Variants in ECM2 observed in about 807,000 individuals in gnomAD.
ECM2 encodes the protein extracellular matrix protein 2.
ECM2 carries 57 observed loss-of-function variants against 67.5 expected under a neutral mutation model. The ratio of observed to expected loss-of-function variants is 0.84; its 90% CI spans 0.68 to 1.05. ECM2 has a LOEUF of 1.05. Among genes scored for constraint, ECM2 ranks in the 50% least tolerant of loss-of-function variants. ECM2 has a pLI of 0.00. For synonymous variants in ECM2, 258 were observed against 294.5 expected (o/e 0.88, Z 1.27); for missense variants, 741 against 822.8 (o/e 0.90, Z 1.22).
rs200349130 is a variant in ECM2 at position 92,515,173 on chromosome 9, A to G, written c.512T>C (p.Leu171Ser). Residue 171 changes from leucine (L) to serine (S), a missense_variant, in exon 4 of 10, where the codon TTA (leucine) becomes TCA (serine). Transcript: ENST00000344604. ...ACCAGAAAATTCATTTCTATCATTT[A>G]ATGCTATACCACTGAGTAGAGAATA... ...VSYSLLSGIA[L>S]NDRNEFSGDS... 125 of 1,606,414 alleles carry G rather than the reference A, an allele frequency of 7.8e-5. No homozygotes were observed. In the East Asian group the frequency reaches 2.7e-3, roughly 34 times the overall value.
At chr9:92,536,106 C>G (rs1849150359), upstream of ECM2, 1 of 443,456 alleles carries the variant, frequency 2.3e-6, no homozygotes, top group South Asian at 1.7e-5. Flanking sequence ...GGGATAAATG[C>G]CTTTCAGTTC....
chr9:92,495,181 GA>G (rs1163413705), downstream of ECM2: 33 of 264,730 alleles, frequency 1.2e-4, no homozygotes, highest in African/African-American at 7.6e-4. Flanking sequence ...AAAAATTAGA[GA>G]AACCTATGCA....
chr9:92,502,848 C>T (rs1401731877), intron 7 of ECM2, among the ~76,000 whole-genome samples, 196 bp from the exon 8 acceptor site: 7 of 143,288 alleles, frequency 4.9e-5, no homozygotes, highest in Admixed American at 2.2e-4. Context: ...CACTTTGTTA[C>T]GCAGGATGGA....
upstream of ECM2, among the ~76,000 whole-genome samples, chr9:92,541,097 TA>T (rs1849307983): frequency 2.0e-5 from 3 of 151,422 alleles, no homozygotes; most frequent in South Asian, 6.3e-4. Flanking sequence ...CCATCTCTAC[TA>T]AAAAAACAAA....
intron 3 of ECM2, 59 bp from the exon 4 acceptor site, chr9:92,515,262 A>G: frequency 7.1e-7 from 1 of 1,402,700 alleles, no homozygotes; most frequent in Non-Finnish European, 9.3e-7. Context: ...ATAAAAGAAA[A>G]AACCATAATG....
At chr9:92,537,439 TC>T (rs1424895101), upstream of ECM2, among the ~76,000 whole-genome samples, 1 of 152,058 alleles carries the variant, frequency 6.6e-6, no homozygotes, top group Non-Finnish European at 1.5e-5. Context: ...GACAGGTGGA[TC>T]ACCTGAGGTT....
intron 3 of ECM2, among the ~76,000 whole-genome samples, chr9:92,516,481 A>C (rs1170226471): frequency 6.6e-6 from 1 of 152,238 alleles, no homozygotes; most frequent in African/African-American, 2.4e-5. Context: ...AATTATTTGG[A>C]GAAATTACTT....
At chr9:92,529,649 A>G (rs925332161) in intron 1 of ECM2, among the ~76,000 whole-genome samples, 1 of 152,246 alleles carries the variant, frequency 6.6e-6, no homozygotes, top group Admixed American at 6.5e-5. Flanking sequence ...CCATCAAGCC[A>G]TGAAAATACA....
intron 5 of ECM2, among the ~76,000 whole-genome samples, chr9:92,511,194 C>T (rs575705462): frequency 2.6e-5 from 4 of 152,220 alleles, no homozygotes; most frequent in African/African-American, 9.6e-5. Flanking sequence ...GGCGCGATCT[C>T]GGCTCACTGC....
chr9:92,539,399 T>C (rs960464344), upstream of ECM2, among the ~76,000 whole-genome samples: 2 of 123,950 alleles, frequency 1.6e-5, no homozygotes, highest in African/African-American at 6.1e-5. Flanking sequence ...TTGAAGCCAG[T>C]TGATTAGGGT....
the ECM2 span, among the ~76,000 whole-genome samples, chr9:92,555,369 G>A: frequency 4.2e-4 from 63 of 151,612 alleles, no homozygotes; most frequent in Non-Finnish European, 5.9e-4. Context: ...TGGGATTACA[G>A]ATGCATACCA....
chr9:92,526,729 T>C (rs1276437633), intron 1 of ECM2, among the ~76,000 whole-genome samples: 1 of 151,950 alleles, frequency 6.6e-6, no homozygotes, highest in African/African-American at 2.4e-5. Flanking sequence ...ATAAAAAGTA[T>C]ATAAAGTTAA....
At chr9:92,551,925 GTATATATATA>G in the ECM2 span, among the ~76,000 whole-genome samples, 259 of 84,516 alleles carry the variant, frequency 3.1e-3, 14 homozygotes, top group Middle Eastern at 0.021. Context: ...TGGTGTGTGT[GTATATATATA>G]TATATATATA....
the ECM2 span, among the ~76,000 whole-genome samples, chr9:92,549,662 A>T: frequency 6.6e-6 from 1 of 151,726 alleles, no homozygotes; most frequent in Non-Finnish European, 1.5e-5. Context: ...AAAAAAACAA[A>T]ACAAAACAAA....
intron 1 of ECM2, among the ~76,000 whole-genome samples, chr9:92,533,892 G>A (rs1046830535): frequency 5.9e-5 from 9 of 151,612 alleles, no homozygotes. Context: ...TCATCCCTTT[G>A]TAAGAAATTT....
At chr9:92,509,075 C>A (rs1188727169) in intron 6 of ECM2, among the ~76,000 whole-genome samples, 1 of 151,606 alleles carries the variant, frequency 6.6e-6, no homozygotes, top group Non-Finnish European at 1.5e-5. Context: ...ACAACTTCAG[C>A]TGTCTAGCAC....
intron 7 of ECM2, among the ~76,000 whole-genome samples, chr9:92,504,418 C>T (rs754799909): frequency 2.6e-5 from 4 of 152,208 alleles, no homozygotes; most frequent in African/African-American, 7.2e-5. Context: ...ATCCTGACTT[C>T]TGGCTGGATG....
chr9:92,503,675 A>G (rs1332187104), intron 7 of ECM2, among the ~76,000 whole-genome samples: 3 of 152,226 alleles, frequency 2.0e-5, no homozygotes, highest in Admixed American at 6.5e-5. Flanking sequence ...AAACTGGCAT[A>G]TATCTTTAGT....
chr9:92,542,547 T>C, the ECM2 span, among the ~76,000 whole-genome samples: 1 of 151,756 alleles, frequency 6.6e-6, no homozygotes, highest in African/African-American at 2.4e-5. Context: ...CTGTCTCATA[T>C]AGCTATAGCT....
Sources: gnomAD v4.1 joint callset for allele counts (sites outside exome capture counted in the v4.1 genomes callset) on GRCh38, gnomAD v4.1.1 for gene constraint, MANE v1.5 for transcripts, NCBI Gene and HGNC (gene_info 2026-07-23, HGNC 2026-07-21) for gene names.